Variants in SUCLA2 observed in about 807,000 individuals in gnomAD.
SUCLA2 encodes succinate-CoA ligase ADP-forming subunit beta.
Under a neutral mutation model 54.8 loss-of-function variants are expected in SUCLA2, and 30 were observed. That is an observed-to-expected ratio of 0.55 (90% CI 0.41 to 0.74). The LOEUF is 0.74. Among genes scored for constraint, SUCLA2 ranks in the 30% least tolerant of loss-of-function variants. The probability of loss-of-function intolerance (pLI) is 0.00; values close to 1 mark genes in which losing one functional copy is unlikely to be tolerated. For missense variants in SUCLA2, 476 were observed against 562.9 expected (o/e 0.85, Z 1.56); for synonymous variants, 172 against 188.9 (o/e 0.91, Z 0.74).
At position 47,949,617 on chromosome 13, in the gene SUCLA2, G is replaced by A; in HGVS notation, c.1108-14C>T. On this transcript the variant is annotated splice_polypyrimidine_tract_variant and intron_variant, in intron 8 of 10. Coordinates refer to ENST00000646932, the MANE Select transcript of SUCLA2 (RefSeq NM_003850.3). ...AATAGCCAGTACCTATGAATAAAGT[G>A]TTCTGATAGATTAAAATTTAAAAGA... is the stretch of plus-strand genomic sequence containing the variant. The A allele has an allele frequency of 6.2e-7, 1 of 1,612,412 alleles. No individual in the cohort carries two copies. Among genetic ancestry groups the A allele is most frequent in the South Asian group, 1.1e-5 (1 of 91,022 alleles).
intron 4 of SUCLA2, among the ~76,000 whole-genome samples, chr13:47,984,998 A>G (rs1483272124): frequency 1.3e-5 from 2 of 152,166 alleles, no homozygotes; most frequent in African/African-American, 2.4e-5. Context: ...AAAAGTACCC[A>G]ACAGGCACTA....
intron 4 of SUCLA2, among the ~76,000 whole-genome samples, chr13:47,980,805 G>A (rs963363288): frequency 6.6e-6 from 1 of 152,084 alleles, no homozygotes; most frequent in African/African-American, 2.4e-5. Context: ...ATGATTAAAT[G>A]ATCTTCAACA....
In SUCLA2 at chr13:47,973,250, G is replaced by A. The variant is rs1949983009; in HGVS notation, c.663+14C>T. ...CTAATCATAAGCTAGAAATTTTTCAGGAATACAACATACCTGGAGAGCTTG... is the reference window on the plus strand; with the variant it reads ...CTAATCATAAGCTAGAAATTTTTCAAGAATACAACATACCTGGAGAGCTTG... On this transcript the variant is annotated intron_variant, in intron 5 of 10. Coordinates refer to ENST00000646932, the MANE Select transcript of SUCLA2 (RefSeq NM_003850.3). 6.2e-7 allele frequency: 1 copy of A among 1,609,698 alleles called. No homozygotes were observed. The highest frequency in any genetic ancestry group is 8.5e-7 in the Non-Finnish European group (1 of 1,177,768).
At chr13:47,967,739 G>A (rs1031124339) in intron 6 of SUCLA2, among the ~76,000 whole-genome samples, 3 of 151,766 alleles carry the variant, frequency 2.0e-5, no homozygotes, top group African/African-American at 4.8e-5. Flanking sequence ...AGCTACTTGG[G>A]AGGCTGAGGC....
intron 8 of SUCLA2, among the ~76,000 whole-genome samples, chr13:47,950,155 T>G (rs1338658667): frequency 6.6e-6 from 1 of 152,222 alleles, no homozygotes; most frequent in Non-Finnish European, 1.5e-5. Context: ...AAACAATGCC[T>G]GTAGCATAAA....
chr13:47,944,120 A>T lies in SUCLA2; in HGVS notation c.1318-675T>A, dbSNP rs1014303824. ...AGTTAAGAAAAGGCTTTGAAGTTAG[A>T]TATCTTTGGCTGCAAATCCCCCCTC... is the stretch of plus-strand genomic sequence containing the variant. On this transcript the variant is annotated intron_variant, in intron 10 of 10. Transcript: ENST00000646932. 2.0e-5 allele frequency among the ~76,000 whole-genome samples: 3 copies of T among 152,258 alleles called. No individual in the cohort carries two copies. In the East Asian group the frequency reaches 5.8e-4, roughly 29 times the overall value.
chr13:47,978,168 T>C (rs1950032827), intron 4 of SUCLA2, among the ~76,000 whole-genome samples: 2 of 152,102 alleles, frequency 1.3e-5, no homozygotes, highest in Admixed American at 1.3e-4. Flanking sequence ...AAAACTACTG[T>C]AAATTTCATA....
chr13:47,973,414 C>T, intron 4 of SUCLA2, 22 bp from the exon 5 acceptor site: 1 of 1,611,270 alleles, frequency 6.2e-7, no homozygotes, highest in Non-Finnish European at 8.5e-7. Context: ...AGTAAACAAC[C>T]AAAACTCTAG....
intron 6 of SUCLA2, among the ~76,000 whole-genome samples, chr13:47,961,027 T>TA (rs1364160814): frequency 6.6e-6 from 1 of 152,208 alleles, no homozygotes; most frequent in East Asian, 1.9e-4. Flanking sequence ...GTCTATGTGT[T>TA]AGAAGAACAT....
At position 47,968,610 on chromosome 13, in the gene SUCLA2, C is replaced by A. The variant is rs1377349494; in HGVS notation, c.787G>T (p.Asp263Tyr). ...TMIEINPMVE[D>Y]SDGAVLCMDA... ...GATACTTTACCAGCTCCATCTGAATCTTCCACCATTGGATTTATTTCTATC... is the reference window on the plus strand; with the variant it reads ...GATACTTTACCAGCTCCATCTGAATATTCCACCATTGGATTTATTTCTATC... The change falls in exon 6 of 11, where the codon GAT (aspartate) becomes TAT (tyrosine). Residue 263 changes from aspartate (D) to tyrosine (Y), a missense_variant. Around this residue, in one of 2 missense-constraint regions of SUCLA2, gnomAD observed 342 missense variants for 444.2 expected, o/e 0.77. Coordinates refer to ENST00000646932, the MANE Select transcript of SUCLA2 (RefSeq NM_003850.3). The A allele has an allele frequency of 6.2e-7, 1 of 1,611,696 alleles. No homozygotes were observed.
chr13:47,973,991 G>A (rs1949988732), intron 4 of SUCLA2, among the ~76,000 whole-genome samples: 1 of 151,900 alleles, frequency 6.6e-6, no homozygotes, highest in East Asian at 1.9e-4. Flanking sequence ...TAATGTAGAT[G>A]ACAGGTTGAT....
chr13:47,984,025 C>G (rs546455007), intron 4 of SUCLA2, among the ~76,000 whole-genome samples: 1 of 152,050 alleles, frequency 6.6e-6, no homozygotes, highest in Non-Finnish European at 1.5e-5. Context: ...CATGGGTAAA[C>G]GTTAAACAAT....
At chr13:48,000,848 C>A (rs940544078) in intron 1 of SUCLA2, 23 of 1,162,976 alleles carry the variant, frequency 2.0e-5, no homozygotes, top group Non-Finnish European at 2.5e-5. Context: ...CCCACCGTGC[C>A]AGACGCCGGA....
intron 4 of SUCLA2, among the ~76,000 whole-genome samples, chr13:47,986,112 C>T (rs914218277): frequency 6.9e-6 from 1 of 145,402 alleles, no homozygotes; most frequent in African/African-American, 2.5e-5. Context: ...CTCACTGCAA[C>T]CTCCACCTCC....
intron 4 of SUCLA2, among the ~76,000 whole-genome samples, chr13:47,985,344 A>C (rs1950093290): frequency 6.6e-6 from 1 of 151,986 alleles, no homozygotes; most frequent in South Asian, 2.1e-4. Context: ...CCCAGGTATT[A>C]AGCCCAACAT....
chr13:47,964,653 C>A (rs374304550), intron 6 of SUCLA2, among the ~76,000 whole-genome samples: 3 of 151,952 alleles, frequency 2.0e-5, no homozygotes, highest in Non-Finnish European at 4.4e-5. Flanking sequence ...GCCAGGAGAT[C>A]GAGACCATCC....
At chr13:47,963,146 G>C (rs1949885956) in intron 6 of SUCLA2, among the ~76,000 whole-genome samples, 2 of 152,202 alleles carry the variant, frequency 1.3e-5, no homozygotes, top group Non-Finnish European at 1.5e-5. Context: ...ACTTCTCAGT[G>C]ATTGGCTGTC....
In SUCLA2 at chr13:47,954,134, C is replaced by A; in HGVS notation, c.1107+6G>T. On this transcript the variant is annotated splice_donor_region_variant and intron_variant, in intron 8 of 10. Transcript: ENST00000646932. ...GATATAAAAATATATCAAGCCCTGC[C>A]CTTACCTTTTTATCTGAAGTGATAA... 6.2e-7 allele frequency: 1 copy of A among 1,611,996 alleles called. No homozygotes were observed. The highest frequency in any genetic ancestry group is 8.5e-7 in the Non-Finnish European group (1 of 1,178,954).
intron 5 of SUCLA2, among the ~76,000 whole-genome samples, chr13:47,972,993 G>A (rs1949980973): frequency 6.6e-6 from 1 of 151,546 alleles, no homozygotes; most frequent in South Asian, 2.1e-4. Flanking sequence ...CTCATGATCC[G>A]CCCACTTTGG....
Sources: gnomAD v4.1 joint callset for allele counts (sites outside exome capture counted in the v4.1 genomes callset) on GRCh38, gnomAD v4.1.1 for gene constraint, gnomAD v4.1.1 regional missense constraint, MANE v1.5 for transcripts, NCBI Gene and HGNC (gene_info 2026-07-23, HGNC 2026-07-21) for gene names.